MATN2: variants seen among roughly 807,000 people sequenced by gnomAD.
The protein encoded by MATN2 is matrilin-2.
In MATN2, 69 loss-of-function variants were observed where a neutral mutation model predicts 103.2. The observed-to-expected ratio is 0.67, with a 90% CI of 0.55 to 0.82. The LOEUF is 0.82. Among genes scored for constraint, MATN2 ranks in the 40% least tolerant of loss-of-function variants. MATN2 has a pLI of 0.00. For missense variants in MATN2, 1,023 were observed against 1,211.5 expected, an observed-to-expected ratio of 0.84 and a Z score of 2.31; for synonymous variants, 429 against 450.2, an observed-to-expected ratio of 0.95 and a Z score of 0.60.
Position 98,018,064 on chromosome 8 carries a change from G to C in MATN2, c.1767G>C (p.Thr589=). The C allele has an allele frequency of 6.2e-7, 1 of 1,613,944 alleles. No homozygotes were observed. Among genetic ancestry groups the C allele is most frequent in the Non-Finnish European group, 8.5e-7 (1 of 1,179,820 alleles). The stretch of plus-strand genomic sequence containing the variant: ...GTGTGAACAGTGATGACTCATACAC[G>C]TGCGAGTGCTTGGAGGGATTCCGGC... ...HICVNSDDSY[T]CECLEGFRLA... is the part of the protein sequence containing the mutation. The change falls in exon 12 of 19, where the codon ACG becomes ACC. Residue 589 remains threonine (T), a synonymous_variant. Coordinates refer to ENST00000254898, the MANE Select transcript of MATN2 (RefSeq NM_002380.5).
At chr8:97,913,927 C>T (rs1183883340) in intron 2 of MATN2, among the ~76,000 whole-genome samples, 2 of 152,160 alleles carry the variant, frequency 1.3e-5, no homozygotes, top group African/African-American at 2.4e-5. Context: ...ATATTTATTT[C>T]ATTTGAAATT....
intron 2 of MATN2, among the ~76,000 whole-genome samples, chr8:97,914,358 CTTTTTTTTTTTTTTTTTTTTT>C (rs149996231): frequency 1.9e-5 from 1 of 52,936 alleles, no homozygotes; most frequent in African/African-American, 8.2e-5. Flanking sequence ...AAATCCAGAC[CTTTTTTTTTTTTTTTTTTTTT>C]TTTTTTTTTG....
chr8:98,014,513 T>A (rs898528708), intron 10 of MATN2, among the ~76,000 whole-genome samples: 1 of 152,254 alleles, frequency 6.6e-6, no homozygotes, highest in East Asian at 1.9e-4. Context: ...CAGCTGTAAT[T>A]GCAGTTATCA....
chr8:97,989,829 A>G (rs1812332272), intron 6 of MATN2, among the ~76,000 whole-genome samples: 1 of 152,180 alleles, frequency 6.6e-6, no homozygotes, highest in African/African-American at 2.4e-5. Flanking sequence ...AGATCAATAT[A>G]CAAAAATAAG....
intron 13 of MATN2, among the ~76,000 whole-genome samples, chr8:98,026,178 C>CAAAAAAAAAA (rs71271184): frequency 5.5e-5 from 6 of 109,730 alleles, no homozygotes; most frequent in Admixed American, 1.1e-4. Context: ...GACTCAATCT[C>CAAAAAAAAAA]AAAAAAAAAA....
At chr8:97,870,015 C>T (rs1286039649) in intron 1 of MATN2, among the ~76,000 whole-genome samples, 1 of 152,084 alleles carries the variant, frequency 6.6e-6, no homozygotes, top group African/African-American at 2.4e-5. Context: ...GCATCTGCAC[C>T]AAGCACACTT....
intron 1 of MATN2, among the ~76,000 whole-genome samples, chr8:97,870,749 G>T (rs929091604): frequency 1.3e-5 from 2 of 152,126 alleles, no homozygotes; most frequent in Non-Finnish European, 2.9e-5. Flanking sequence ...CCACACGGGC[G>T]CAGTTCTCCC....
At chr8:98,003,552 C>G (rs1277275663) in intron 7 of MATN2, 109 bp from the exon 8 acceptor site, 1 of 1,273,902 alleles carries the variant, frequency 7.8e-7, no homozygotes, top group Admixed American at 1.9e-5. Flanking sequence ...CCTCAGCAGG[C>G]AGCACCCACC....
At chr8:97,999,907 A>G (rs1260884239) in intron 7 of MATN2, among the ~76,000 whole-genome samples, 1 of 147,778 alleles carries the variant, frequency 6.8e-6, no homozygotes, top group Non-Finnish European at 1.5e-5. Context: ...TAAAGACGGA[A>G]TCTCACTCTG....
chr8:97,953,071 T>C (rs1811015446), intron 4 of MATN2, among the ~76,000 whole-genome samples: 1 of 151,982 alleles, frequency 6.6e-6, no homozygotes, highest in Non-Finnish European at 1.5e-5. Context: ...TACAGGTGTG[T>C]GCCACTGTGC....
intron 3 of MATN2, among the ~76,000 whole-genome samples, chr8:97,941,367 G>T (rs1363996093): frequency 6.6e-6 from 1 of 152,038 alleles, no homozygotes. Flanking sequence ...ACACATTCTT[G>T]CTTATTTAAT....
intron 13 of MATN2, among the ~76,000 whole-genome samples, chr8:98,022,683 A>C (rs1813644472): frequency 1.3e-5 from 2 of 151,580 alleles, no homozygotes; most frequent in South Asian, 2.1e-4. Context: ...GAGGACAAAG[A>C]AGCTTTCTAC....
At chr8:97,939,257 T>A (rs1810475772) in intron 3 of MATN2, among the ~76,000 whole-genome samples, 1 of 152,182 alleles carries the variant, frequency 6.6e-6, no homozygotes, top group Non-Finnish European at 1.5e-5. Flanking sequence ...TGAATGAAAC[T>A]TACCTAACAC....
At chr8:98,017,675 A>G (rs1034309112) in intron 11 of MATN2, among the ~76,000 whole-genome samples, 4 of 152,232 alleles carry the variant, frequency 2.6e-5, no homozygotes, top group African/African-American at 9.6e-5. Flanking sequence ...TTGAGGTTTA[A>G]CCTCCTAAGG....
chr8:97,953,154 G>A (rs187837702), intron 4 of MATN2, among the ~76,000 whole-genome samples: 11 of 149,094 alleles, frequency 7.4e-5, no homozygotes, highest in African/African-American at 1.2e-4. Flanking sequence ...ATCCTCCTGC[G>A]TTGGCCTCCC....
chr8:97,960,937 C>T (rs1296595618), intron 4 of MATN2, among the ~76,000 whole-genome samples: 1 of 152,148 alleles, frequency 6.6e-6, no homozygotes. Context: ...GCCTCGGCCT[C>T]CTGAGTAGCT....
chr8:97,881,892 T>C (rs1818263948), intron 1 of MATN2, among the ~76,000 whole-genome samples: 2 of 150,078 alleles, frequency 1.3e-5, no homozygotes, highest in African/African-American at 4.9e-5. Flanking sequence ...GGTATCCTTT[T>C]CCCATTCCTT....
Position 98,033,657 on chromosome 8 carries a change from G to A in MATN2, c.2813G>A (p.Arg938His), listed in dbSNP as rs751793016. Reference sequence around the variant, plus strand: ...GAAGAAGTAAGAAAATTAACACAGCGCTATATCCTTTTCTTGCATTATGCT... The same window carrying A: ...GAAGAAGTAAGAAAATTAACACAGCACTATATCCTTTTCTTGCATTATGCT... ...ANEEVRKLTQ[R>H]LEEMTQRMEA... Residue 938 changes from arginine to histidine, a missense_variant and splice_region_variant, in exon 18 of 19, where the codon CGC becomes CAC. Transcript: ENST00000254898. The A allele has an allele frequency of 1.6e-5, 25 of 1,583,824 alleles. No individual in the cohort carries two copies. In the East Asian group the frequency reaches 4.5e-4, roughly 28 times the overall value.
At chr8:97,923,087 G>T (rs1289770849) in intron 2 of MATN2, among the ~76,000 whole-genome samples, 4 of 151,936 alleles carry the variant, frequency 2.6e-5, no homozygotes, top group South Asian at 2.1e-4. Flanking sequence ...GATCCTCTTG[G>T]TCTGTTCCAT....
Sources: gnomAD v4.1 joint callset for allele counts (sites outside exome capture counted in the v4.1 genomes callset) on GRCh38, gnomAD v4.1.1 for gene constraint, MANE v1.5 for transcripts, NCBI Gene and HGNC (gene_info 2026-07-23, HGNC 2026-07-21) for gene names.